ATP10D: variants seen among roughly 807,000 people sequenced by gnomAD.
ATP10D encodes the protein phospholipid-transporting ATPase VD.
In ATP10D, 89 loss-of-function variants were observed where a neutral mutation model predicts 144.8. That is an observed-to-expected ratio of 0.61 (90% CI 0.52 to 0.73). The LOEUF (loss-of-function observed/expected upper bound fraction) is 0.73, where lower values mean the gene tolerates loss of function less well. Ranked by LOEUF, ATP10D falls within the 30% of genes least tolerant of loss-of-function variation. ATP10D has a pLI of 0.00. For synonymous variants in ATP10D, 571 were observed against 615.1 expected, an observed-to-expected ratio of 0.93 and a Z score of 1.06; for missense variants, 1,603 against 1,714.8, an observed-to-expected ratio of 0.93 and a Z score of 1.15.
At chr4:47,489,301 G>C (rs1714952605) in intron 1 of ATP10D, among the ~76,000 whole-genome samples, 2 of 151,902 alleles carry the variant, frequency 1.3e-5, no homozygotes. Context: ...AAATTATTCA[G>C]TAATATGAGA....
At chr4:47,529,491 G>T (rs1262275499) in intron 5 of ATP10D, among the ~76,000 whole-genome samples, 1 of 152,086 alleles carries the variant, frequency 6.6e-6, no homozygotes, top group African/African-American at 2.4e-5. Context: ...CTTTTCCACT[G>T]ATCTATGTGT....
chr4:47,492,051 T>C (rs534795356), intron 1 of ATP10D, among the ~76,000 whole-genome samples: 133 of 152,336 alleles, frequency 8.7e-4, no homozygotes, highest in African/African-American at 3.1e-3. Context: ...GTCCGTTTTG[T>C]TCCCTGGTTT....
chr4:47,556,917 A>G (rs1325057740), intron 11 of ATP10D: 1 of 152,192 alleles, frequency 6.6e-6, no homozygotes, highest in Non-Finnish European at 1.5e-5. Flanking sequence ...TCAAATCCAC[A>G]TTATGATATT....
intron 12 of ATP10D, among the ~76,000 whole-genome samples, chr4:47,558,676 C>T (rs865891428): frequency 6.6e-6 from 1 of 152,186 alleles, no homozygotes; most frequent in Non-Finnish European, 1.5e-5. Flanking sequence ...AGTTATGTTA[C>T]TGTTGTTATT....
intron 3 of ATP10D, among the ~76,000 whole-genome samples, chr4:47,517,245 C>T (rs1446472913): frequency 6.6e-6 from 1 of 152,052 alleles, no homozygotes; most frequent in Non-Finnish European, 1.5e-5. Context: ...AAAATCCTGT[C>T]TCTACCAAAA....
At position 47,568,972 on chromosome 4, in the gene ATP10D, C is replaced by T. The variant is rs1466694912; in HGVS notation, c.2989C>T (p.Leu997Phe). ...CCGGGACTCAGGGTTACGAGCTGGA[C>T]TCATTATCACTGGGAAGACCCTGGA... ...VPRDSGLRAG[L>F]IITGKTLEFA... Residue 997 changes from leucine (L) to phenylalanine (F), a missense_variant, in exon 16 of 23, where the codon CTC becomes TTC. Leu to Phe is a conservative substitution (Grantham distance 22). Transcript: ENST00000273859. 1.2e-6 allele frequency: 2 copies of T among 1,614,090 alleles called. No homozygotes were observed. Among genetic ancestry groups the T allele is most frequent in the South Asian group, 2.2e-5 (2 of 91,092 alleles).
chr4:47,494,124 T>C (rs1715226548), intron 1 of ATP10D, among the ~76,000 whole-genome samples: 1 of 152,206 alleles, frequency 6.6e-6, no homozygotes, highest in South Asian at 2.1e-4. Flanking sequence ...ATAGGTTTTA[T>C]GTTATTATTT....
At chr4:47,573,426 A>T (rs1047191712) in intron 18 of ATP10D, among the ~76,000 whole-genome samples, 1 of 152,244 alleles carries the variant, frequency 6.6e-6, no homozygotes, top group African/African-American at 2.4e-5. Flanking sequence ...AAAGACACAG[A>T]TACAGATGAA....
chr4:47,510,783 A>C (rs1169207089), intron 1 of ATP10D, among the ~76,000 whole-genome samples: 2 of 152,182 alleles, frequency 1.3e-5, no homozygotes, highest in African/African-American at 4.8e-5. Context: ...TTGTTGTATG[A>C]GATTGTGGAC....
Position 47,536,440 on chromosome 4 carries a change from A to T in ATP10D, c.1019A>T (p.His340Leu). ...ATGTCTGTGTATTTTTTGAAAGGTC[A>T]TGGAATCTGGCTGAGCAGGTATGAA... ...VIMCLTGAVG[H>L]GIWLSRYEKM... The change falls in exon 8 of 23, where the codon CAT becomes CTT. Residue 340 changes from histidine (H) to leucine (L), a missense_variant. Coordinates refer to ENST00000273859, the MANE Select transcript of ATP10D (RefSeq NM_020453.4). The T allele has an allele frequency of 3.1e-6, 5 of 1,612,708 alleles. No individual in the cohort carries two copies. Among genetic ancestry groups the T allele is most frequent in the Non-Finnish European group, 4.2e-6 (5 of 1,179,468 alleles).
chr4:47,570,054 G>A (rs571046291), intron 16 of ATP10D, among the ~76,000 whole-genome samples: 1 of 152,292 alleles, frequency 6.6e-6, no homozygotes, highest in East Asian at 1.9e-4. Flanking sequence ...GCTGGAGTGG[G>A]ACATGATTTG....
intron 22 of ATP10D, among the ~76,000 whole-genome samples, chr4:47,589,028 A>G (rs1251314604): frequency 6.6e-6 from 1 of 152,158 alleles, no homozygotes; most frequent in East Asian, 1.9e-4. Context: ...TGGATCCTAA[A>G]TGTAACCACA....
intron 6 of ATP10D, 81 bp downstream of exon 6, chr4:47,535,696 C>A: frequency 6.9e-7 from 1 of 1,459,522 alleles, no homozygotes; most frequent in Non-Finnish European, 9.3e-7. Context: ...AAAATGCAAT[C>A]TGTTGAAGCA....
chr4:47,589,979 T>C (rs544127493), intron 22 of ATP10D, among the ~76,000 whole-genome samples: 1 of 152,122 alleles, frequency 6.6e-6, no homozygotes, highest in Non-Finnish European at 1.5e-5. Flanking sequence ...AGAGAAAGCC[T>C]GTATCATCAG....
Position 47,512,713 on chromosome 4 carries a change from A to C in ATP10D, c.173A>C (p.Gln58Pro). ...GRHRIVVPHIQPFKDEYEKFS... is the reference protein window; with the variant it reads ...GRHRIVVPHIPPFKDEYEKFS... ...CACCGGATTGTTGTTCCCCACATCCAGCCCTTCAAGGATGAGTATGAGAAG... is the reference window on the plus strand; with the variant it reads ...CACCGGATTGTTGTTCCCCACATCCCGCCCTTCAAGGATGAGTATGAGAAG... The change falls in exon 2 of 23, where the codon CAG (glutamine) becomes CCG (proline). Residue 58 changes from glutamine (Q) to proline (P), a missense_variant. Physicochemically the swap from Gln to Pro is moderately conservative, Grantham distance 76 (BLOSUM62 -1). Transcript: ENST00000273859. The C allele has an allele frequency of 6.2e-7, 1 of 1,614,250 alleles. No individual in the cohort carries two copies. Among genetic ancestry groups the C allele is most frequent in the Admixed American group, 1.7e-5 (1 of 60,032 alleles).
chr4:47,551,675 G>T (rs1718738606), intron 10 of ATP10D, among the ~76,000 whole-genome samples: 1 of 152,228 alleles, frequency 6.6e-6, no homozygotes, highest in Non-Finnish European at 1.5e-5. Context: ...ATTCTCTGGG[G>T]AGAGATTCCA....
In ATP10D at chr4:47,512,886, A is replaced by G. The variant is rs557154231; in HGVS notation, c.290+56A>G. 692 of 1,470,722 alleles carry G rather than the reference A, an allele frequency of 4.7e-4. 4 individuals are homozygous for G. The African/African-American group carries it at 8.8e-3, about 19-fold the overall frequency. The allele number at this position is 1,470,722 out of a possible 1,614,324, so 91.1% of individuals were successfully genotyped here. On this transcript the variant is annotated intron_variant, in intron 2 of 22. Transcript: ENST00000273859. The stretch of plus-strand genomic sequence containing the variant: ...AATATCATTCTAGTTGATATATAAC[A>G]TATTTTTCATTTTCATAACCCTGTA...
intron 5 of ATP10D, among the ~76,000 whole-genome samples, chr4:47,529,026 G>A (rs952501410): frequency 1.3e-5 from 2 of 152,026 alleles, no homozygotes; most frequent in African/African-American, 2.4e-5. Context: ...GTTCCTTGTA[G>A]ATTCTGGATA....
intron 19 of ATP10D, 94 bp from the exon 20 acceptor site, chr4:47,580,304 C>T (rs954933935): frequency 4.9e-6 from 5 of 1,013,538 alleles, no homozygotes; most frequent in East Asian, 2.4e-5. Context: ...GGAGCTTTCT[C>T]TCAGAGAAAC....
Sources: allele counts gnomAD v4.1 joint callset (sites outside exome capture counted in the v4.1 genomes callset), GRCh38; gene constraint gnomAD v4.1.1; transcripts MANE v1.5; gene names NCBI Gene and HGNC (gene_info 2026-07-23, HGNC 2026-07-21).